Variants in VSTM5 observed in about 807,000 individuals in gnomAD.
The protein encoded by VSTM5 is V-set and transmembrane domain-containing protein 5.
VSTM5 carries 21 observed loss-of-function variants against 20.3 expected under a neutral mutation model. That is an observed-to-expected ratio of 1.03 (90% CI 0.73 to 1.49). The LOEUF is 1.49. VSTM5 is among the 40% of genes most tolerant of loss of function. The pLI, the probability that VSTM5 is intolerant of heterozygous loss-of-function variation, is 0.00. For missense variants in VSTM5, 219 were observed against 250.0 expected, an observed-to-expected ratio of 0.88 and a Z score of 0.84; for synonymous variants, 100 against 102.5, an observed-to-expected ratio of 0.98 and a Z score of 0.14.
intron 1 of VSTM5, among the ~76,000 whole-genome samples, chr11:93,843,382 G>A (rs1266707706): frequency 6.6e-6 from 1 of 152,080 alleles, no homozygotes; most frequent in Non-Finnish European, 1.5e-5. Flanking sequence ...TGAACACAGG[G>A]GTTGGTCTGT....
chr11:93,850,334 G>T, intron 1 of VSTM5, 78 bp downstream of exon 1: 1 of 1,335,056 alleles, frequency 7.5e-7, no homozygotes, highest in Non-Finnish European at 1.0e-6. Flanking sequence ...GGGGGCCGCT[G>T]CTAGACCCCG....
intron 1 of VSTM5, among the ~76,000 whole-genome samples, chr11:93,844,752 T>A (rs543495830): frequency 1.0e-3 from 156 of 152,286 alleles, no homozygotes; most frequent in African/African-American, 3.6e-3. Context: ...CAAACCGAGC[T>A]AACTGCCTTT....
At chr11:93,836,563 G>C (rs1023154765) in intron 1 of VSTM5, among the ~76,000 whole-genome samples, 2 of 140,260 alleles carry the variant, frequency 1.4e-5, no homozygotes, top group Admixed American at 1.4e-4. Context: ...CTGCTCCCTC[G>C]TTTGCCTGTT....
intron 1 of VSTM5, among the ~76,000 whole-genome samples, chr11:93,828,551 ACAT>A (rs1305210417): frequency 1.3e-5 from 2 of 152,218 alleles, no homozygotes; most frequent in Non-Finnish European, 2.9e-5. Context: ...GATGACAATT[ACAT>A]CTGTTGAGAT....
chr11:93,847,525 G>C (rs1371827692), intron 1 of VSTM5, among the ~76,000 whole-genome samples: 1 of 152,190 alleles, frequency 6.6e-6, no homozygotes, highest in Non-Finnish European at 1.5e-5. Flanking sequence ...TGTGTGTGTT[G>C]GGGGAGCTGA....
chr11:93,830,768 T>G (rs1204288715), intron 1 of VSTM5, among the ~76,000 whole-genome samples: 1 of 151,540 alleles, frequency 6.6e-6, no homozygotes, highest in Non-Finnish European at 1.5e-5. Flanking sequence ...TCTTTTTTTT[T>G]TTTTTTTGAG....
intron 1 of VSTM5, among the ~76,000 whole-genome samples, chr11:93,837,979 G>A (rs1013814310): frequency 1.3e-5 from 2 of 151,904 alleles, no homozygotes; most frequent in Non-Finnish European, 1.5e-5. Context: ...GGTGGCACAG[G>A]AGGGCAAGAT....
At chr11:93,847,052 A>G (rs1944419898) in intron 1 of VSTM5, among the ~76,000 whole-genome samples, 1 of 152,208 alleles carries the variant, frequency 6.6e-6, no homozygotes, top group African/African-American at 2.4e-5. Context: ...GGCATGAGCC[A>G]CCATACCTGG....
intron 1 of VSTM5, among the ~76,000 whole-genome samples, chr11:93,837,749 C>G (rs1222018288): frequency 6.6e-6 from 1 of 152,064 alleles, no homozygotes; most frequent in Non-Finnish European, 1.5e-5. Flanking sequence ...CACGGGTATA[C>G]CAGGGCTATA....
rs1944254745 is a variant in VSTM5, at chr11:93,828,343, G to C, written c.92-7020C>G. 3.3e-5 allele frequency among the ~76,000 whole-genome samples: 5 copies of C among 152,174 alleles called. 1 individual carries two copies. The South Asian group carries it at 1.0e-3, about 32-fold the overall frequency. ...CCCTCTGGTAACTAATCAGAAAGCTGTCAAGAGGAAATAGTAAAAGTACTA... is the reference window on the plus strand; with the variant it reads ...CCCTCTGGTAACTAATCAGAAAGCTCTCAAGAGGAAATAGTAAAAGTACTA... On this transcript the variant is annotated intron_variant, in intron 1 of 3. Coordinates refer to ENST00000409977, the MANE Select transcript of VSTM5 (RefSeq NM_001144871.2).
At chr11:93,831,394 G>A (rs1227008598) in intron 1 of VSTM5, among the ~76,000 whole-genome samples, 2 of 152,168 alleles carry the variant, frequency 1.3e-5, no homozygotes, top group Non-Finnish European at 2.9e-5. Context: ...AGTAATTTGG[G>A]AAACACAGCT....
intron 1 of VSTM5, among the ~76,000 whole-genome samples, chr11:93,837,314 G>A (rs1944330967): frequency 1.3e-5 from 2 of 152,108 alleles, no homozygotes; most frequent in Non-Finnish European, 1.5e-5. Flanking sequence ...TTGTAGGTGT[G>A]AGCCACCTTG....
At chr11:93,823,345 T>A (rs924760394) in intron 1 of VSTM5, among the ~76,000 whole-genome samples, 26 of 152,174 alleles carry the variant, frequency 1.7e-4, no homozygotes, top group East Asian at 3.8e-4. Context: ...AAATTTTTTT[T>A]AAATTTAATT....
intron 1 of VSTM5, among the ~76,000 whole-genome samples, chr11:93,845,307 C>T (rs557957334): frequency 9.3e-4 from 142 of 152,264 alleles, no homozygotes; most frequent in African/African-American, 3.0e-3. Context: ...TTGGCATGGG[C>T]GCTGTCAGCT....
Position 93,818,862 on chromosome 11 carries a change from GA to G in VSTM5, c.*1706del, listed in dbSNP as rs1423084120. On this transcript the variant is annotated 3_prime_UTR_variant, in exon 4 of 4. Transcript: ENST00000409977. ...CTGGTTCCTCCGACTGCTGCGTGGG[GA>G]TAGGACATAGTGTGTGAGTTTACCC... The G allele has an allele frequency of 1.3e-5, 2 of 152,410 alleles. No homozygotes were observed. Among genetic ancestry groups the G allele is most frequent in the Non-Finnish European group, 2.9e-5 (2 of 68,200 alleles). 9.4% of individuals were successfully genotyped at this position (152,410 alleles called of 1,614,324 possible).
chr11:93,830,512 A>G (rs1049413990), intron 1 of VSTM5, among the ~76,000 whole-genome samples: 14 of 152,240 alleles, frequency 9.2e-5, no homozygotes, highest in Non-Finnish European at 4.4e-5. Context: ...CCAGTGCCCA[A>G]GACAGGGCCT....
At chr11:93,829,826 CT>C (rs1444178772) in intron 1 of VSTM5, among the ~76,000 whole-genome samples, 2 of 152,210 alleles carry the variant, frequency 1.3e-5, no homozygotes, top group Admixed American at 1.3e-4. Context: ...GGGTGCTGGC[CT>C]GCAGTTCCCT....
chr11:93,848,740 A>C (rs971152763), intron 1 of VSTM5, among the ~76,000 whole-genome samples: 6 of 152,194 alleles, frequency 3.9e-5, no homozygotes, highest in Non-Finnish European at 7.3e-5. Context: ...GAACCACCAT[A>C]TCCTAGGTAC....
At chr11:93,841,700 G>A (rs1944371616) in intron 1 of VSTM5, among the ~76,000 whole-genome samples, 1 of 152,228 alleles carries the variant, frequency 6.6e-6, no homozygotes, top group South Asian at 2.1e-4. Flanking sequence ...AGGGTCCCAG[G>A]AGGCCAGGCC....
Sources: gnomAD v4.1 joint callset for allele counts (sites outside exome capture counted in the v4.1 genomes callset) on GRCh38, gnomAD v4.1.1 for gene constraint, MANE v1.5 for transcripts, NCBI Gene and HGNC (gene_info 2026-07-23, HGNC 2026-07-21) for gene names.